Variants in KCNH8 observed in about 807,000 individuals in gnomAD.
The protein encoded by KCNH8 is voltage-gated delayed rectifier potassium channel KCNH8.
In KCNH8, 70 loss-of-function variants were observed where a neutral mutation model predicts 103.6. The ratio of observed to expected loss-of-function variants is 0.68; its 90% confidence interval spans 0.56 to 0.82. The LOEUF (loss-of-function observed/expected upper bound fraction) is 0.82. KCNH8 is among the 40% of genes least tolerant of loss of function. The pLI is 0.00. For synonymous variants in KCNH8, 498 were observed against 489.4 expected (o/e 1.02, Z -0.23); for missense variants, 1,217 against 1,329.9 (o/e 0.92, Z 1.32).
At chr3:19,514,463 A>G (rs1375146461) in intron 13 of KCNH8, among the ~76,000 whole-genome samples, 1 of 151,948 alleles carries the variant, frequency 6.6e-6, no homozygotes, top group Non-Finnish European at 1.5e-5. Flanking sequence ...AGGTTTATAT[A>G]CAACATAATC....
intron 7 of KCNH8, among the ~76,000 whole-genome samples, chr3:19,414,774 C>T (rs2066837485): frequency 2.0e-5 from 3 of 151,852 alleles, no homozygotes; most frequent in Admixed American, 2.0e-4. Flanking sequence ...TTATTGCAGT[C>T]CATGAGGCAG....
chr3:19,432,746 G>C (rs566925470), intron 7 of KCNH8, among the ~76,000 whole-genome samples: 1 of 152,278 alleles, frequency 6.6e-6, no homozygotes, highest in South Asian at 2.1e-4. Context: ...AAAGCATTGT[G>C]AATTGTAAGT....
At chr3:19,458,129 G>A (rs1457319735) in intron 11 of KCNH8, among the ~76,000 whole-genome samples, 3 of 152,008 alleles carry the variant, frequency 2.0e-5, no homozygotes, top group African/African-American at 7.2e-5. Context: ...AATCACGTGT[G>A]TATGTTCACA....
chr3:19,469,138 ATAAT>A (rs1181370073), intron 11 of KCNH8, among the ~76,000 whole-genome samples: 1 of 152,218 alleles, frequency 6.6e-6, no homozygotes, highest in Non-Finnish European at 1.5e-5. Context: ...ATAACAGAAC[ATAAT>A]TAATTCTTCA....
intron 1 of KCNH8, among the ~76,000 whole-genome samples, chr3:19,211,845 G>A (rs2063774727): frequency 6.6e-6 from 1 of 152,136 alleles, no homozygotes; most frequent in South Asian, 2.1e-4. Context: ...TGTATTTAAG[G>A]AAAACCTTAG....
chr3:19,486,898 A>G (rs948375893), intron 11 of KCNH8, among the ~76,000 whole-genome samples: 1 of 152,214 alleles, frequency 6.6e-6, no homozygotes, highest in Non-Finnish European at 1.5e-5. Context: ...CTTTCCGAAT[A>G]GTGAATCCCA....
chr3:19,236,197 A>G (rs1306743227), intron 1 of KCNH8, among the ~76,000 whole-genome samples: 1 of 152,198 alleles, frequency 6.6e-6, no homozygotes, highest in Non-Finnish European at 1.5e-5. Context: ...AAGAAACTTC[A>G]TTGAAGTTGT....
At chr3:19,196,734 A>G (rs2063606196) in intron 1 of KCNH8, among the ~76,000 whole-genome samples, 1 of 152,044 alleles carries the variant, frequency 6.6e-6, no homozygotes, top group African/African-American at 2.4e-5. Flanking sequence ...CTCCTTTGAG[A>G]ATCCAAAAAA....
intron 7 of KCNH8, among the ~76,000 whole-genome samples, chr3:19,433,396 A>G (rs1337402668): frequency 2.0e-5 from 3 of 152,210 alleles, no homozygotes; most frequent in African/African-American, 4.8e-5. Flanking sequence ...TCAAAAAGTC[A>G]TACTTTTTAC....
intron 1 of KCNH8, among the ~76,000 whole-genome samples, chr3:19,228,109 GTACCCTGTGCA>G (rs146158661): frequency 0.043 from 6,561 of 152,194 alleles, 488 homozygotes; most frequent in African/African-American, 0.15. Flanking sequence ...CTCTAGGGCA[GTACCCTGTGCA>G]TACCCTGTGG....
At chr3:19,495,277 A>C (rs565524879) in intron 11 of KCNH8, among the ~76,000 whole-genome samples, 2 of 152,218 alleles carry the variant, frequency 1.3e-5, no homozygotes, top group East Asian at 3.9e-4. Flanking sequence ...GCCAGGTCCT[A>C]TGTCCAGAAT....
intron 1 of KCNH8, among the ~76,000 whole-genome samples, chr3:19,212,930 C>T (rs1351073801): frequency 6.6e-6 from 1 of 152,104 alleles, no homozygotes; most frequent in African/African-American, 2.4e-5. Context: ...TCTCATCCAA[C>T]TCCTTTATTT....
chr3:19,339,637 T>G lies in KCNH8; in HGVS notation c.443-2950T>G, dbSNP rs2125315160. On this transcript the variant is annotated intron_variant, in intron 3 of 15. Transcript: ENST00000328405. ...TATTCTGAGTGTTTTAAAATCTACTTTTAGTGATTCAAGTCTATAATAATG... is the reference window on the plus strand; with the variant it reads ...TATTCTGAGTGTTTTAAAATCTACTGTTAGTGATTCAAGTCTATAATAATG... 1.3e-5 allele frequency among the ~76,000 whole-genome samples: 2 copies of G among 152,236 alleles called. 1 individual carries two copies. The highest frequency in any genetic ancestry group is 4.1e-4 in the South Asian group (2 of 4,830).
chr3:19,237,784 G>T (rs1345449460), intron 1 of KCNH8, among the ~76,000 whole-genome samples: 1 of 152,186 alleles, frequency 6.6e-6, no homozygotes, highest in Non-Finnish European at 1.5e-5. Context: ...TAATGTATAT[G>T]CAGGGCACAC....
At chr3:19,333,540 A>G (rs2065540414) in intron 3 of KCNH8, among the ~76,000 whole-genome samples, 1 of 152,194 alleles carries the variant, frequency 6.6e-6, no homozygotes, top group Non-Finnish European at 1.5e-5. Flanking sequence ...CTCTGGCAGT[A>G]TGCTATTGCT....
chr3:19,160,149 A>G (rs1023458839), intron 1 of KCNH8, among the ~76,000 whole-genome samples: 4 of 152,180 alleles, frequency 2.6e-5, no homozygotes, highest in Non-Finnish European at 5.9e-5. Flanking sequence ...CATTAAAATC[A>G]GAATGCATAA....
chr3:19,471,947 AATTT>A (rs1411738146), intron 11 of KCNH8, among the ~76,000 whole-genome samples: 6 of 152,176 alleles, frequency 3.9e-5, no homozygotes, highest in East Asian at 1.9e-4. Flanking sequence ...ACTTTTTGAT[AATTT>A]ATTAAGCTGT....
chr3:19,502,253 C>G (rs2068601009), intron 11 of KCNH8, among the ~76,000 whole-genome samples: 1 of 151,662 alleles, frequency 6.6e-6, no homozygotes, highest in Non-Finnish European at 1.5e-5. Context: ...CTACAAACCA[C>G]TGCTCAATGA....
intron 1 of KCNH8, among the ~76,000 whole-genome samples, chr3:19,212,005 A>G (rs2063775897): frequency 6.6e-6 from 1 of 152,176 alleles, no homozygotes; most frequent in South Asian, 2.1e-4. Flanking sequence ...GACAGTAGCC[A>G]GAATAAGATT....
Sources: gnomAD v4.1 joint callset for allele counts (sites outside exome capture counted in the v4.1 genomes callset) on GRCh38, gnomAD v4.1.1 for gene constraint, MANE v1.5 for transcripts, NCBI Gene and HGNC (gene_info 2026-07-23, HGNC 2026-07-21) for gene names.